CA10: variants seen among roughly 807,000 people sequenced by gnomAD.
CA10 encodes the protein carbonic anhydrase-related protein 10.
In CA10, 14 loss-of-function variants were observed where a neutral mutation model predicts 44.2. That is an observed-to-expected ratio of 0.32 (90% CI 0.21 to 0.50). The LOEUF (loss-of-function observed/expected upper bound fraction) is 0.50. Ranked by LOEUF, CA10 falls within the 20% of genes least tolerant of loss-of-function variation. CA10 has a pLI of 0.99. For missense variants in CA10, 350 were observed against 409.7 expected (o/e 0.85, Z 1.26); for synonymous variants, 159 against 141.6 (o/e 1.12, Z -0.87).
At chr17:51,846,177 A>G (rs1352676500) in intron 3 of CA10, among the ~76,000 whole-genome samples, 1 of 152,246 alleles carries the variant, frequency 6.6e-6, no homozygotes, top group Non-Finnish European at 1.5e-5. Context: ...CAAACTTATC[A>G]AGTGCCTGCC....
At chr17:52,115,097 G>A (rs961611273) in intron 1 of CA10, among the ~76,000 whole-genome samples, 1 of 152,204 alleles carries the variant, frequency 6.6e-6, no homozygotes, top group African/African-American at 2.4e-5. Flanking sequence ...GGAATGGAGT[G>A]GAGCCACCAG....
intron 2 of CA10, among the ~76,000 whole-genome samples, chr17:51,964,551 C>T (rs1397951531): frequency 2.0e-5 from 3 of 151,624 alleles, no homozygotes; most frequent in African/African-American, 7.3e-5. Flanking sequence ...GAAATTACAC[C>T]AACCATACTC....
At chr17:52,073,146 T>C (rs992417116) in intron 1 of CA10, among the ~76,000 whole-genome samples, 2 of 152,222 alleles carry the variant, frequency 1.3e-5, no homozygotes, top group Non-Finnish European at 2.9e-5. Flanking sequence ...CCCAGACACA[T>C]TGGAAGAAAA....
intron 2 of CA10, among the ~76,000 whole-genome samples, chr17:52,026,396 C>A (rs758440930): frequency 3.3e-5 from 5 of 152,128 alleles, no homozygotes; most frequent in Non-Finnish European, 7.3e-5. Context: ...TCTACTATGT[C>A]CCTTTTTTTC....
At chr17:51,994,608 A>C (rs913419767) in intron 2 of CA10, among the ~76,000 whole-genome samples, 14 of 152,036 alleles carry the variant, frequency 9.2e-5, no homozygotes, top group South Asian at 2.1e-4. Flanking sequence ...GAAACTTCTC[A>C]TCAATGCTAC....
intron 2 of CA10, among the ~76,000 whole-genome samples, chr17:52,016,456 A>T (rs878879297): frequency 6.6e-6 from 1 of 152,080 alleles, no homozygotes; most frequent in Admixed American, 6.6e-5. Context: ...TTTGCTTTGG[A>T]TGTTTCTCCT....
intron 2 of CA10, among the ~76,000 whole-genome samples, chr17:52,022,752 C>A (rs1598171414): frequency 6.6e-6 from 1 of 151,994 alleles, no homozygotes; most frequent in African/African-American, 2.4e-5. Flanking sequence ...TAAACAACTT[C>A]AATAAAGTTT....
chr17:51,655,515 C>T (rs995472870), intron 4 of CA10, among the ~76,000 whole-genome samples: 1 of 152,130 alleles, frequency 6.6e-6, no homozygotes, highest in African/African-American at 2.4e-5. Flanking sequence ...AAAAAGAAAC[C>T]ATATCTAACC....
At chr17:52,010,313 A>T (rs973409262) in intron 2 of CA10, among the ~76,000 whole-genome samples, 1 of 152,080 alleles carries the variant, frequency 6.6e-6, no homozygotes, top group African/African-American at 2.4e-5. Flanking sequence ...TGTTTACAGC[A>T]GCACAATTTG....
At chr17:52,142,130 C>T (rs919161004) in intron 1 of CA10, among the ~76,000 whole-genome samples, 23 of 152,174 alleles carry the variant, frequency 1.5e-4, no homozygotes, top group Non-Finnish European at 1.9e-4. Flanking sequence ...AGCAAAAGCA[C>T]AGGTAAGTGT....
chr17:51,648,373 C>G (rs1266909886), intron 6 of CA10, among the ~76,000 whole-genome samples: 1 of 152,120 alleles, frequency 6.6e-6, no homozygotes, highest in Non-Finnish European at 1.5e-5. Context: ...TGAAGTTCAA[C>G]TTTTTTACTT....
chr17:51,822,208 G>T (rs144018272), intron 3 of CA10, among the ~76,000 whole-genome samples: 3 of 152,080 alleles, frequency 2.0e-5, no homozygotes, highest in African/African-American at 7.2e-5. Context: ...CAGATCACCT[G>T]AGGTCACCAC....
intron 3 of CA10, among the ~76,000 whole-genome samples, chr17:51,756,476 T>G (rs1390253065): frequency 6.7e-6 from 1 of 150,144 alleles, no homozygotes; most frequent in African/African-American, 2.5e-5. Context: ...GTAGTTGTTT[T>G]TTTTTTTTTT....
At chr17:51,729,409 C>T (rs546124182) in intron 4 of CA10, among the ~76,000 whole-genome samples, 3 of 152,244 alleles carry the variant, frequency 2.0e-5, no homozygotes, top group East Asian at 1.9e-4. Flanking sequence ...TGAGTAGGTG[C>T]CCCAGTCCCT....
chr17:51,729,333 A>G (rs1916634527), intron 4 of CA10, among the ~76,000 whole-genome samples: 1 of 151,824 alleles, frequency 6.6e-6, no homozygotes, highest in African/African-American at 2.4e-5. Context: ...AGATGCTTAA[A>G]CTTTTTTGTG....
intron 3 of CA10, among the ~76,000 whole-genome samples, chr17:51,920,065 C>T (rs1471404552): frequency 1.3e-5 from 2 of 152,188 alleles, no homozygotes; most frequent in Non-Finnish European, 2.9e-5. Context: ...TGTAGGAATT[C>T]ATCTGCCTAT....
At chr17:51,822,160 A>T (rs572507198) in intron 3 of CA10, among the ~76,000 whole-genome samples, 121 of 152,056 alleles carry the variant, frequency 8.0e-4, no homozygotes, top group Non-Finnish European at 1.5e-3. Context: ...GTGGTGGCTC[A>T]CACCTGTAAT....
intron 3 of CA10, among the ~76,000 whole-genome samples, chr17:51,907,336 G>A (rs913439337): frequency 6.6e-6 from 1 of 152,056 alleles, no homozygotes; most frequent in Admixed American, 6.6e-5. Context: ...TTGAGGAAGA[G>A]GAAGGAAGAG....
At chr17:51,671,399 T>TTTTTTGTATTTG (rs1555582500) in intron 4 of CA10, among the ~76,000 whole-genome samples, 8 of 84,868 alleles carry the variant, frequency 9.4e-5, no homozygotes, top group African/African-American at 2.9e-4. Flanking sequence ...TTGGGTCATT[T>TTTTTTGTATTTG]TTTTTGTTTT....
Sources: gnomAD v4.1 joint callset for allele counts (sites outside exome capture counted in the v4.1 genomes callset) on GRCh38, gnomAD v4.1.1 for gene constraint, MANE v1.5 for transcripts, NCBI Gene and HGNC (gene_info 2026-07-23, HGNC 2026-07-21) for gene names.